The following CENPC variants were observed in gnomAD, a reference collection of about 807,000 sequenced individuals.
The protein encoded by CENPC is centromere protein C.
CENPC carries 63 observed loss-of-function variants against 112.1 expected under a neutral mutation model. The observed-to-expected ratio is 0.56, with a 90% confidence interval of 0.46 to 0.69. CENPC has a LOEUF of 0.69. Among genes scored for constraint, CENPC ranks in the 30% least tolerant of loss-of-function variants. The pLI, the probability that CENPC is intolerant of heterozygous loss-of-function variation, is 0.00. For missense variants in CENPC, 1,000 were observed against 1,103.8 expected (o/e 0.91, Z 1.33); for synonymous variants, 333 against 367.6 (o/e 0.91, Z 1.08).
chr4:67,507,325 A>C (rs984005467), intron 10 of CENPC, among the ~76,000 whole-genome samples: 1 of 152,206 alleles, frequency 6.6e-6, no homozygotes, highest in South Asian at 2.1e-4. Flanking sequence ...TAGGGTCCTC[A>C]GAGGGACTGA....
rs534178125 is a variant in CENPC at position 67,514,207 on chromosome 4, T to C, written c.1311A>G (p.Gly437=). 1.2e-6 allele frequency: 2 copies of C among 1,613,310 alleles called. No individual in the cohort carries two copies. The highest frequency in any genetic ancestry group is 2.2e-5 in the East Asian group (1 of 44,828). ...TATGTATGTTTTCATCTTTAGACTG[T>C]CCCACATCAAGCTGTTCTTCAGCTG... ...AKPAEEQLDV[G]QSKDENIHTS... The change falls in exon 8 of 19, where the codon GGA becomes GGG. Residue 437 remains glycine (G), a synonymous_variant. Transcript: ENST00000273853.
chr4:67,500,585 G>C (rs539368927), intron 12 of CENPC, among the ~76,000 whole-genome samples: 1 of 152,272 alleles, frequency 6.6e-6, no homozygotes, highest in East Asian at 1.9e-4. Flanking sequence ...ACAGAATCAT[G>C]ACAAAAGCAC....
chr4:67,495,770 CTG>C (rs1725415662), intron 12 of CENPC, among the ~76,000 whole-genome samples: 1 of 152,184 alleles, frequency 6.6e-6, no homozygotes, highest in Non-Finnish European at 1.5e-5. Context: ...TATGAACTAT[CTG>C]TAACTTTCTC....
intron 17 of CENPC, among the ~76,000 whole-genome samples, chr4:67,483,099 C>T (rs907494030): frequency 6.6e-6 from 1 of 152,156 alleles, no homozygotes; most frequent in East Asian, 1.9e-4. Flanking sequence ...TTTGCTTCCC[C>T]TTCTGCCATA....
intron 17 of CENPC, among the ~76,000 whole-genome samples, chr4:67,479,175 G>A (rs781313176): frequency 1.1e-4 from 16 of 152,078 alleles, no homozygotes; most frequent in Non-Finnish European, 1.6e-4. Flanking sequence ...AAGACAGAAA[G>A]TCAACAAAGA....
At chr4:67,487,015 ACTT>A (rs1725114619) in intron 17 of CENPC, among the ~76,000 whole-genome samples, 1 of 132,654 alleles carries the variant, frequency 7.5e-6, no homozygotes, top group African/African-American at 2.9e-5. Context: ...TGGCAAGACT[ACTT>A]CTTGGATAGT....
chr4:67,506,094 T>A (rs1725724629), intron 11 of CENPC, among the ~76,000 whole-genome samples: 1 of 152,148 alleles, frequency 6.6e-6, no homozygotes, highest in African/African-American at 2.4e-5. Flanking sequence ...ATCTTAGCCA[T>A]CCCTTAAAAG....
Position 67,490,104 on chromosome 4 carries a change from CT to C in CENPC, c.2532del (p.Asp845IlefsTer12). 6.2e-7 allele frequency: 1 copy of C among 1,603,868 alleles called. No individual in the cohort carries two copies. Among genetic ancestry groups the C allele is most frequent in the Non-Finnish European group, 8.5e-7 (1 of 1,176,170 alleles). On this transcript the variant is annotated frameshift_variant, in exon 17 of 19. Coordinates refer to ENST00000273853, the MANE Select transcript of CENPC (RefSeq NM_001812.4). LOFTEE classifies it high-confidence loss of function. ...TGCTTAACAAAAAATTGATATGTAT[CT>C]TGTGGCCTTACAAGATCTAGGAGTA... ...EIILMDLVRP[Q>X]DTYQFFVKHG... is the part of the protein sequence containing the mutation.
At chr4:67,478,501 C>T (rs1220912887) in intron 17 of CENPC, among the ~76,000 whole-genome samples, 1 of 151,988 alleles carries the variant, frequency 6.6e-6, no homozygotes, top group African/African-American at 2.4e-5. Context: ...AAACAAATGG[C>T]GAGAGAAATC....
At chr4:67,524,322 G>C (rs1302105317) in intron 5 of CENPC, among the ~76,000 whole-genome samples, 1 of 151,792 alleles carries the variant, frequency 6.6e-6, no homozygotes, top group Non-Finnish European at 1.5e-5. Flanking sequence ...GGAAGTTCTG[G>C]CCATGGCAAT....
intron 17 of CENPC, among the ~76,000 whole-genome samples, chr4:67,481,479 G>A (rs1724955004): frequency 6.6e-6 from 1 of 152,174 alleles, no homozygotes; most frequent in Admixed American, 6.5e-5. Context: ...CAAATCTGGA[G>A]GCATCACATT....
rs181402133 is a variant in CENPC at position 67,544,218 on chromosome 4, A to G, written c.19-23T>C. The G allele has an allele frequency of 1.2e-5, 18 of 1,460,560 alleles. No individual in the cohort carries two copies. The East Asian group carries it at 3.4e-4, about 28-fold the overall frequency. The allele number at this position is 1,460,560 out of a possible 1,614,324, so 90.5% of individuals were successfully genotyped here. A position where few individuals can be genotyped will look rare whatever the true frequency, so the allele number is the denominator to read the frequency against. ...ATCCTGAAAGAAAAGTAAATCATCA[A>G]TTTGGTTTCTTTAAGATAGAGTCGA... On this transcript the variant is annotated intron_variant, in intron 1 of 18. Transcript: ENST00000273853.
intron 5 of CENPC, among the ~76,000 whole-genome samples, chr4:67,520,382 AT>A (rs1205113767): frequency 4.6e-5 from 7 of 152,132 alleles, no homozygotes; most frequent in Admixed American, 4.6e-4. Context: ...CCAAGGCAAC[AT>A]TTTGATCCAC....
At chr4:67,518,433 T>C in intron 6 of CENPC, 65 bp from the exon 7 acceptor site, 1 of 1,428,572 alleles carries the variant, frequency 7.0e-7, no homozygotes, top group Admixed American at 3.0e-5. Context: ...TAAGTCTTCC[T>C]GAACTCCTTT....
intron 16 of CENPC, 61 bp from the exon 17 acceptor site, chr4:67,490,182 T>A: frequency 9.2e-7 from 1 of 1,085,324 alleles, no homozygotes; most frequent in Non-Finnish European, 1.3e-6. Context: ...TGATATAACA[T>A]ATACACATAT....
intron 14 of CENPC, 58 bp from the exon 15 acceptor site, chr4:67,493,055 A>T: frequency 1.5e-6 from 2 of 1,361,534 alleles, no homozygotes; most frequent in Non-Finnish European, 2.0e-6. Context: ...TTGAAACAAA[A>T]CTCCTTAAAT....
In CENPC at chr4:67,505,287, TAAG is replaced by T. The variant is rs1341360120; in HGVS notation, c.2052-6_2052-4del. 2.3e-5 allele frequency: 35 copies of T among 1,531,468 alleles called. No homozygotes were observed. Among genetic ancestry groups the T allele is most frequent in the Non-Finnish European group, 3.0e-5 (34 of 1,139,468 alleles). The allele number at this position is 1,531,468 out of a possible 1,614,324, so 94.9% of individuals were successfully genotyped here. On this transcript the variant is annotated splice_polypyrimidine_tract_variant and splice_region_variant and intron_variant, in intron 11 of 18. Coordinates refer to ENST00000273853, the MANE Select transcript of CENPC (RefSeq NM_001812.4). ...TATTATTGAGCCTGGAAGGTCCACT[TAAG>T]AAAAAAAGGAAACCACAAAATTAAT...
chr4:67,544,949 GTTA>G (rs1726986402), intron 1 of CENPC, among the ~76,000 whole-genome samples: 1 of 151,980 alleles, frequency 6.6e-6, no homozygotes, highest in African/African-American at 2.4e-5. Context: ...GGGGAGAAAA[GTTA>G]TTTGGAGGCC....
chr4:67,491,378 A>G (rs1487811494), intron 16 of CENPC, among the ~76,000 whole-genome samples: 1 of 148,374 alleles, frequency 6.7e-6, no homozygotes, highest in Non-Finnish European at 1.5e-5. Flanking sequence ...TTCTCCTCTG[A>G]TATAGGACAA....
Sources: allele counts gnomAD v4.1 joint callset (sites outside exome capture counted in the v4.1 genomes callset), GRCh38; gene constraint gnomAD v4.1.1; transcripts MANE v1.5; gene names NCBI Gene and HGNC (gene_info 2026-07-23, HGNC 2026-07-21).